The following PTPRU variants were observed in gnomAD, a reference collection of about 807,000 sequenced individuals.
PTPRU encodes the protein receptor-type tyrosine-protein phosphatase U.
PTPRU carries 69 observed loss-of-function variants against 166.3 expected under a neutral mutation model. That is an observed-to-expected ratio of 0.41 (90% CI 0.34 to 0.51). The LOEUF (loss-of-function observed/expected upper bound fraction) is 0.51, where lower values mean the gene tolerates loss of function less well. PTPRU is among the 20% of genes least tolerant of loss of function. PTPRU has a pLI of 0.09. For synonymous variants in PTPRU, 793 were observed against 814.0 expected (o/e 0.97, Z 0.44); for missense variants, 1,657 against 2,013.7 (o/e 0.82, Z 3.39).
At chr1:29,306,184 G>C (rs1399603507) in intron 18 of PTPRU, among the ~76,000 whole-genome samples, 1 of 152,230 alleles carries the variant, frequency 6.6e-6, no homozygotes, top group Non-Finnish European at 1.5e-5. Flanking sequence ...GGATTGGAGG[G>C]AGGGGCCAGA....
rs1254573825 is a variant in PTPRU at position 29,241,720 on chromosome 1, A to G, written c.73+5003A>G. Reference sequence around the variant, plus strand: ...AGTGATTCTCCTGCCTCAGCCTCCTAAGTAGCTGGGATTACAGGCGCACGC... The same window carrying G: ...AGTGATTCTCCTGCCTCAGCCTCCTGAGTAGCTGGGATTACAGGCGCACGC... On this transcript the variant is annotated intron_variant, in intron 1 of 29. Coordinates refer to ENST00000373779, the MANE Select transcript of PTPRU (RefSeq NM_133178.4). Among the ~76,000 whole-genome samples the G allele has an allele frequency of 4.5e-4, 62 of 137,550 alleles. No homozygotes were observed. The Middle Eastern group carries it at 0.013, about 29-fold the overall frequency. The allele number at this position is 137,550 out of a possible 152,430, so 90.2% of individuals were successfully genotyped here.
chr1:29,305,678 G>T, intron 18 of PTPRU: 2 of 678,634 alleles, frequency 2.9e-6, no homozygotes, highest in East Asian at 3.0e-5. Context: ...GCAAAGGGAA[G>T]AGGCAGACAG....
chr1:29,299,141 G>A (rs1687028281), intron 15 of PTPRU, among the ~76,000 whole-genome samples: 1 of 152,212 alleles, frequency 6.6e-6, no homozygotes, highest in Admixed American at 6.5e-5. Context: ...CTGAGACCCA[G>A]AGAGGTCAAG....
rs1687265219 is a variant in PTPRU, at chr1:29,304,007, AAGACGGCCG to A, written c.2632_2640del (p.Thr878_Glu880del). The A allele has an allele frequency of 1.9e-6, 3 of 1,611,848 alleles. No homozygotes were observed. The highest frequency in any genetic ancestry group is 2.5e-6 in the Non-Finnish European group (3 of 1,178,980). On this transcript the variant is annotated inframe_deletion, in exon 16 of 30. Coordinates refer to ENST00000373779, the MANE Select transcript of PTPRU (RefSeq NM_133178.4). Reference sequence around the variant, plus strand: ...CCTTCTGCAGCACATCAACCAGATGAAGACGGCCGAGGGTTACGGCTTCAAGCAGGAGTA... The same window carrying A: ...CCTTCTGCAGCACATCAACCAGATGAAGGGTTACGGCTTCAAGCAGGAGTA...
chr1:29,259,847 C>A (rs373815012), intron 5 of PTPRU, 23 bp from the exon 6 acceptor site: 1 of 1,521,558 alleles, frequency 6.6e-7, no homozygotes, highest in Non-Finnish European at 8.8e-7. Context: ...GCGCCCCTGA[C>A]CCCCTCACTC....
chr1:29,280,281 A>T lies in PTPRU; in HGVS notation c.1868+140A>T. 1.2e-6 allele frequency: 1 copy of T among 836,870 alleles called. No individual in the cohort carries two copies. The highest frequency in any genetic ancestry group is 1.8e-6 in the Non-Finnish European group (1 of 546,420). The allele number at this position is 836,870 out of a possible 1,614,324, so 51.8% of individuals were successfully genotyped here. A position where few individuals can be genotyped will look rare whatever the true frequency, so the allele number is the denominator to read the frequency against. ...GCAGGGCTTGGAGTGTCTGGAGGAG[A>T]TTGTTCTGTGATGCTTGGCAGGCAA... On this transcript the variant is annotated intron_variant, in intron 11 of 29. Transcript: ENST00000373779. This position sits in a 1 kb window ranked among gnomAD's most constrained non-coding sequence, Gnocchi z 4.2.
At chr1:29,259,607 G>GGGGGGC in intron 5 of PTPRU, 43 bp downstream of exon 5, 1 of 1,320,572 alleles carries the variant, frequency 7.6e-7, no homozygotes, top group Non-Finnish European at 1.1e-6. Context: ...GGGTGGGAGG[G>GGGGGGC]GGTTGGTGGC....
At position 29,304,050 on chromosome 1, in the gene PTPRU, A is replaced by T; in HGVS notation, c.2667+5A>T. On this transcript the variant is annotated splice_donor_5th_base_variant and intron_variant, in intron 16 of 29. Coordinates refer to ENST00000373779, the MANE Select transcript of PTPRU (RefSeq NM_133178.4). Reference sequence around the variant, plus strand: ...GGCTTCAAGCAGGAGTATGAGGTGCACGCCGGCCCCGGGCCAGCAGGATCC... The same window carrying T: ...GGCTTCAAGCAGGAGTATGAGGTGCTCGCCGGCCCCGGGCCAGCAGGATCC... 1 of 1,598,124 alleles carries T rather than the reference A, an allele frequency of 6.3e-7. No individual in the cohort carries two copies. The highest frequency in any genetic ancestry group is 8.6e-7 in the Non-Finnish European group (1 of 1,168,582).
intron 18 of PTPRU, among the ~76,000 whole-genome samples, chr1:29,310,280 T>C (rs1687587428): frequency 6.6e-6 from 1 of 151,824 alleles, no homozygotes; most frequent in African/African-American, 2.4e-5. Context: ...GGGGGAGGGG[T>C]ACTGTCCATT....
chr1:29,306,998 C>A, intron 18 of PTPRU: 1 of 1,049,074 alleles, frequency 9.5e-7, no homozygotes, highest in Non-Finnish European at 1.4e-6. Context: ...CCCGGCCTGC[C>A]CGTCTCCGCT....
rs1382701558 is a variant in PTPRU at position 29,237,939 on chromosome 1, G to T, written c.73+1222G>T. The stretch of plus-strand genomic sequence containing the variant: ...GGGCGCGGGCAGGGCCTGGCTCGCC[G>T]CCGGGGGACGGCGCCCCCTCCCTTG... On this transcript the variant is annotated intron_variant, in intron 1 of 29. Transcript: ENST00000373779. This position sits in a 1 kb window ranked among gnomAD's most constrained non-coding sequence, Gnocchi z 6.4. Among the ~76,000 whole-genome samples the T allele has an allele frequency of 4.0e-5, 6 of 150,062 alleles. No homozygotes were observed. The highest frequency in any genetic ancestry group is 5.9e-5 in the Non-Finnish European group (4 of 67,404).
chr1:29,307,243 T>C (rs1687434096), intron 18 of PTPRU: 7 of 1,440,668 alleles, frequency 4.9e-6, no homozygotes, highest in Non-Finnish European at 5.8e-6. Context: ...GCTGTCTGTC[T>C]CTCTGTCTCT....
chr1:29,260,469 C>T lies in PTPRU; in HGVS notation c.851-141C>T, dbSNP rs1213574108. 7.9e-6 allele frequency: 5 copies of T among 636,668 alleles called. No individual in the cohort carries two copies. Among genetic ancestry groups the T allele is most frequent in the African/African-American group, 7.7e-5 (4 of 51,830 alleles). 39.4% of individuals were successfully genotyped at this position (636,668 alleles called of 1,614,324 possible). On this transcript the variant is annotated intron_variant, in intron 6 of 29. Coordinates refer to ENST00000373779, the MANE Select transcript of PTPRU (RefSeq NM_133178.4). This position sits in a 1 kb window ranked among gnomAD's most constrained non-coding sequence, Gnocchi z 8.3. ...CCGGGATTTAGTGGGGGTAGGAGAG[C>T]GGGTCTGGTTGAGGGCTTGGTAGCA...
In PTPRU at chr1:29,238,668, G is replaced by A. The variant is rs1351931195; in HGVS notation, c.73+1951G>A. 1.3e-5 allele frequency among the ~76,000 whole-genome samples: 2 copies of A among 152,128 alleles called. No homozygotes were observed. Among genetic ancestry groups the A allele is most frequent in the Non-Finnish European group, 2.9e-5 (2 of 68,024 alleles). ...TCCCCGTTCCCGAAAGGACGCCCAA[G>A]GCGACCTCCCACCCCATCCTCCCCA... On this transcript the variant is annotated intron_variant, in intron 1 of 29. Coordinates refer to ENST00000373779, the MANE Select transcript of PTPRU (RefSeq NM_133178.4). The surrounding 1 kb of genome is among the most constrained non-coding windows in gnomAD (Gnocchi z 6.1).
At chr1:29,304,301 G>T (rs531539879) in intron 16 of PTPRU, among the ~76,000 whole-genome samples, 1 of 152,040 alleles carries the variant, frequency 6.6e-6, no homozygotes, top group African/African-American at 2.4e-5. Flanking sequence ...GACTGTGATC[G>T]GGATCCTTAT....
intron 15 of PTPRU, among the ~76,000 whole-genome samples, chr1:29,294,183 C>G (rs1686778479): frequency 6.6e-6 from 1 of 152,240 alleles, no homozygotes; most frequent in Admixed American, 6.5e-5. Context: ...TGCCTGTTTT[C>G]TTTCCTAGCA....
chr1:29,264,096 C>T (rs974125831), intron 7 of PTPRU, among the ~76,000 whole-genome samples: 7 of 151,896 alleles, frequency 4.6e-5, no homozygotes, highest in Admixed American at 1.3e-4. Context: ...ATCGCTTGAA[C>T]CCGGGAGGTG....
At chr1:29,264,422 T>G (rs189732156) in intron 7 of PTPRU, among the ~76,000 whole-genome samples, 1 of 152,328 alleles carries the variant, frequency 6.6e-6, no homozygotes, top group East Asian at 1.9e-4. Flanking sequence ...CTAATAGTTT[T>G]ATAGTGTCAG....
chr1:29,296,048 G>A (rs369905754), intron 15 of PTPRU, among the ~76,000 whole-genome samples: 1 of 152,270 alleles, frequency 6.6e-6, no homozygotes, highest in South Asian at 2.1e-4. Flanking sequence ...GAATGTTTCA[G>A]GCTTTCTGAG....
Sources: allele counts gnomAD v4.1 joint callset (sites outside exome capture counted in the v4.1 genomes callset), GRCh38; gene constraint gnomAD v4.1.1; non-coding constraint Gnocchi (gnomAD v3.1); transcripts MANE v1.5; gene names NCBI Gene and HGNC (gene_info 2026-07-23, HGNC 2026-07-21).